The following MAP4K3 variants were observed in gnomAD, a reference collection of about 807,000 sequenced individuals.
MAP4K3 encodes the protein mitogen-activated protein kinase kinase kinase kinase 3.
A neutral mutation model predicts 143.5 loss-of-function variants in MAP4K3; 94 were observed. That is an observed-to-expected ratio of 0.65 (90% CI 0.55 to 0.78). MAP4K3 has a LOEUF of 0.78. Ranked by LOEUF, MAP4K3 falls within the 30% of genes least tolerant of loss-of-function variation. The pLI, the probability that MAP4K3 is intolerant of heterozygous loss-of-function variation, is 0.00. For synonymous variants in MAP4K3, 416 were observed against 347.2 expected (o/e 1.20, Z -2.20); for missense variants, 1,077 against 1,068.1 (o/e 1.01, Z -0.12).
chr2:39,290,574 A>C (rs1682000543), intron 18 of MAP4K3, among the ~76,000 whole-genome samples: 1 of 152,130 alleles, frequency 6.6e-6, no homozygotes, highest in South Asian at 2.1e-4. Context: ...TAAACACCGC[A>C]TGATCTTACT....
chr2:39,397,759 G>A (rs1666848290), intron 1 of MAP4K3, among the ~76,000 whole-genome samples: 1 of 152,124 alleles, frequency 6.6e-6, no homozygotes, highest in Non-Finnish European at 1.5e-5. Context: ...TGAATAGACA[G>A]ACCAGTGGGA....
intron 3 of MAP4K3, among the ~76,000 whole-genome samples, chr2:39,346,680 A>G (rs1276569606): frequency 2.6e-5 from 4 of 152,178 alleles, no homozygotes; most frequent in Non-Finnish European, 5.9e-5. Context: ...TCAGGAGTCC[A>G]CCCTCCAGAA....
chr2:39,292,420 A>ACC (rs984803764), intron 18 of MAP4K3, among the ~76,000 whole-genome samples: 1 of 152,144 alleles, frequency 6.6e-6, no homozygotes, highest in Non-Finnish European at 1.5e-5. Context: ...GATCACTCTT[A>ACC]CCCCTGATCC....
At chr2:39,382,012 A>T (rs1209235951) in intron 1 of MAP4K3, among the ~76,000 whole-genome samples, 1 of 152,226 alleles carries the variant, frequency 6.6e-6, no homozygotes, top group Non-Finnish European at 1.5e-5. Context: ...AAAATCCTGC[A>T]GGTCTAGACC....
intron 1 of MAP4K3, among the ~76,000 whole-genome samples, chr2:39,429,008 C>T (rs1390475174): frequency 1.4e-5 from 2 of 138,514 alleles, no homozygotes; most frequent in Admixed American, 1.7e-4. Flanking sequence ...GAGGTTGCAG[C>T]GACCCGAAAT....
intron 1 of MAP4K3, among the ~76,000 whole-genome samples, chr2:39,423,367 A>G (rs1664952815): frequency 6.6e-6 from 1 of 152,212 alleles, no homozygotes; most frequent in Non-Finnish European, 1.5e-5. Context: ...GCAGTTTCTT[A>G]TAGAGCTAAA....
rs201809154 is a variant in MAP4K3 at position 39,326,150 on chromosome 2, T to A, written c.658A>T (p.Met220Leu). Residue 220 changes from methionine to leucine, a missense_variant, in exon 9 of 34, where the codon ATG (methionine) becomes TTG (leucine). Around this residue, in one of 2 missense-constraint regions of MAP4K3, gnomAD observed 864 missense variants for 801.2 expected, o/e 1.08. Transcript: ENST00000263881. ...CTTCAATGATGATGCACTGACCTCA[T>A]TGGGTGTAAGTCAAACATAGGAGGC... is the stretch of plus-strand genomic sequence containing the variant. ...LQPPMFDLHPMRALFLMTKSN... is the reference protein window; with the variant it reads ...LQPPMFDLHPLRALFLMTKSN... 1.4e-5 allele frequency: 22 copies of A among 1,613,136 alleles called. No homozygotes were observed. Among genetic ancestry groups the A allele is most frequent in the East Asian group, 2.2e-5 (1 of 44,874 alleles).
chr2:39,286,574 A>C (rs1007749610), intron 21 of MAP4K3, among the ~76,000 whole-genome samples: 10 of 152,248 alleles, frequency 6.6e-5, no homozygotes, highest in African/African-American at 2.4e-4. Context: ...AATACTAAGC[A>C]TTTATCTGTA....
At chr2:39,399,399 CAGTCAAAGAAT>C (rs1300856655) in intron 1 of MAP4K3, among the ~76,000 whole-genome samples, 1 of 152,142 alleles carries the variant, frequency 6.6e-6, no homozygotes, top group Non-Finnish European at 1.5e-5. Context: ...GCCTTCAATC[CAGTCAAAGAAT>C]GAAAGCCTCA....
intron 2 of MAP4K3, among the ~76,000 whole-genome samples, chr2:39,358,117 C>T (rs529812067): frequency 6.6e-6 from 1 of 152,180 alleles, no homozygotes; most frequent in Non-Finnish European, 1.5e-5. Flanking sequence ...TTCAGATATA[C>T]CTGTACATGA....
chr2:39,301,530 C>T (rs539406646), intron 15 of MAP4K3, among the ~76,000 whole-genome samples: 9 of 152,234 alleles, frequency 5.9e-5, no homozygotes, highest in African/African-American at 1.9e-4. Flanking sequence ...ATATCTTTAG[C>T]CAATACAATC....
At position 39,268,855 on chromosome 2, in the gene MAP4K3, G is replaced by A. The variant is rs549043230; in HGVS notation, c.1974-1608C>T. 1.3e-3 allele frequency among the ~76,000 whole-genome samples: 200 copies of A among 151,964 alleles called. 1 individual carries two copies. Among genetic ancestry groups the A allele is most frequent in the Non-Finnish European group, 2.4e-3 (161 of 67,936 alleles). On this transcript the variant is annotated intron_variant, in intron 26 of 33. Coordinates refer to ENST00000263881, the MANE Select transcript of MAP4K3 (RefSeq NM_003618.4). ...GGGTTTCGACATGTTGGCCAGGTTGGTCTCGAACTCCTGACCTCAATTGAT... is the reference window on the plus strand; with the variant it reads ...GGGTTTCGACATGTTGGCCAGGTTGATCTCGAACTCCTGACCTCAATTGAT...
At chr2:39,261,031 C>A in intron 28 of MAP4K3, 1 of 316,174 alleles carries the variant, frequency 3.2e-6, no homozygotes, top group Non-Finnish European at 5.8e-6. Context: ...CGTGTCCAAC[C>A]CTCTCTTTTC....
chr2:39,295,571 G>A (rs1354442155), intron 16 of MAP4K3, among the ~76,000 whole-genome samples: 1 of 151,982 alleles, frequency 6.6e-6, no homozygotes, highest in Non-Finnish European at 1.5e-5. Flanking sequence ...AATTTTAGAT[G>A]TGAAAAAATA....
chr2:39,354,162 G>C (rs1268831364), intron 3 of MAP4K3, among the ~76,000 whole-genome samples: 1 of 152,006 alleles, frequency 6.6e-6, no homozygotes, highest in African/African-American at 2.4e-5. Flanking sequence ...TACAAAAAAA[G>C]GCCAGGCACA....
In MAP4K3 at chr2:39,436,924, T is replaced by G; in HGVS notation, c.64A>C (p.Ile22Leu). ...ACGTCGCCGTAGGTGCCGCTGCCGA[T>G]GCGCTGAATCAGCTCGAAGTCCTCC... ...PQEDFELIQR[I>L]GSGTYGDVYK... Residue 22 changes from isoleucine to leucine, a missense_variant, in exon 1 of 34, where the codon ATC becomes CTC. This residue lies in a region of MAP4K3 where 213 missense variants were observed against 266.8 expected (regional missense o/e 0.80). Coordinates refer to ENST00000263881, the MANE Select transcript of MAP4K3 (RefSeq NM_003618.4). 6.2e-7 allele frequency: 1 copy of G among 1,612,638 alleles called. No homozygotes were observed. Among genetic ancestry groups the G allele is most frequent in the African/African-American group, 1.3e-5 (1 of 74,980 alleles).
At chr2:39,426,497 A>C (rs1192296822) in intron 1 of MAP4K3, among the ~76,000 whole-genome samples, 1 of 152,006 alleles carries the variant, frequency 6.6e-6, no homozygotes, top group Non-Finnish European at 1.5e-5. Context: ...AATGTCTTTC[A>C]TTTTGAGAAT....
At chr2:39,363,668 C>CAAAAA (rs34083007) in intron 2 of MAP4K3, among the ~76,000 whole-genome samples, 24 of 83,580 alleles carry the variant, frequency 2.9e-4, no homozygotes, top group East Asian at 7.4e-4. Flanking sequence ...GACTCTGTCT[C>CAAAAA]AAAAAAAAAA....
At chr2:39,328,972 A>C (rs1427791321) in intron 8 of MAP4K3, among the ~76,000 whole-genome samples, 7 of 152,218 alleles carry the variant, frequency 4.6e-5, no homozygotes, top group Non-Finnish European at 1.0e-4. Context: ...CGATCTAATC[A>C]CTTGGGAAGA....
Sources: gnomAD v4.1 joint callset for allele counts (sites outside exome capture counted in the v4.1 genomes callset) on GRCh38, gnomAD v4.1.1 for gene constraint, gnomAD v4.1.1 regional missense constraint, MANE v1.5 for transcripts, NCBI Gene and HGNC (gene_info 2026-07-23, HGNC 2026-07-21) for gene names.